The following ROBO2 variants were observed in gnomAD, a reference collection of about 807,000 sequenced individuals.
ROBO2 encodes roundabout homolog 2.
ROBO2 carries 53 observed loss-of-function variants against 160.8 expected under a neutral mutation model. That is an observed-to-expected ratio of 0.33 (90% CI 0.26 to 0.41). The LOEUF (loss-of-function observed/expected upper bound fraction) is 0.41. Among genes scored for constraint, ROBO2 ranks in the 10% least tolerant of loss-of-function variants. The pLI is 1.00. For synonymous variants in ROBO2, 664 were observed against 611.7 expected (o/e 1.09, Z -1.26); for missense variants, 1,577 against 1,722.4 (o/e 0.92, Z 1.49).
chr3:76,529,374 C>T (rs1470663629), intron 2 of ROBO2, among the ~76,000 whole-genome samples: 1 of 152,094 alleles, frequency 6.6e-6, no homozygotes, highest in East Asian at 1.9e-4. Context: ...CCCCTGCCTG[C>T]AGCTGTGGTT....
intron 2 of ROBO2, among the ~76,000 whole-genome samples, chr3:76,845,429 C>T (rs2068688184): frequency 6.6e-6 from 1 of 151,934 alleles, no homozygotes. Context: ...TTTATATAAA[C>T]AATCCCAATT....
intron 24 of ROBO2, among the ~76,000 whole-genome samples, 153 bp downstream of exon 26, chr3:77,643,096 A>G (rs1199647832): frequency 6.6e-6 from 1 of 152,220 alleles, no homozygotes; most frequent in South Asian, 2.1e-4. Context: ...TTACCAGTAC[A>G]TGCCTTAAGG....
chr3:76,584,289 G>T (rs563544117), intron 2 of ROBO2, among the ~76,000 whole-genome samples: 1 of 151,502 alleles, frequency 6.6e-6, no homozygotes, highest in East Asian at 2.0e-4. Context: ...TACCAATCCT[G>T]TTATGAGTTG....
chr3:77,576,904 A>G (rs1476593093), intron 14 of ROBO2, among the ~76,000 whole-genome samples: 1 of 152,124 alleles, frequency 6.6e-6, no homozygotes, highest in Non-Finnish European at 1.5e-5. Flanking sequence ...TTCTGTTTTT[A>G]TTTAGTAAGC....
chr3:77,624,670 T>C (rs2094970071), intron 23 of ROBO2, among the ~76,000 whole-genome samples: 1 of 152,198 alleles, frequency 6.6e-6, no homozygotes, highest in South Asian at 2.1e-4. Flanking sequence ...TAAGTGCCCA[T>C]ACAGTGGATG....
At chr3:75,981,623 T>C (rs2065277498) in intron 2 of ROBO2, among the ~76,000 whole-genome samples, 1 of 151,228 alleles carries the variant, frequency 6.6e-6, no homozygotes, top group South Asian at 2.1e-4. Flanking sequence ...TTATTTTTAT[T>C]ATTTTTAAAT....
intron 2 of ROBO2, among the ~76,000 whole-genome samples, chr3:76,296,733 C>T (rs1381518878): frequency 6.6e-6 from 1 of 152,108 alleles, no homozygotes; most frequent in Non-Finnish European, 1.5e-5. Context: ...GGTCACTCTT[C>T]GGGGAACTGC....
intron 1 of ROBO2, among the ~76,000 whole-genome samples, chr3:77,042,476 AG>A (rs997052086): frequency 6.6e-6 from 1 of 152,214 alleles, no homozygotes; most frequent in African/African-American, 2.4e-5. Context: ...ATTATCACCA[AG>A]GGTTTTTTTA....
At chr3:77,023,319 C>T (rs1340979425) in intron 2 of ROBO2, among the ~76,000 whole-genome samples, 1 of 152,092 alleles carries the variant, frequency 6.6e-6, no homozygotes, top group Admixed American at 6.6e-5. Context: ...ACTGTAAGTT[C>T]AATTAAACGT....
At chr3:76,259,471 G>T (rs1342301365) in intron 2 of ROBO2, among the ~76,000 whole-genome samples, 3 of 152,124 alleles carry the variant, frequency 2.0e-5, no homozygotes, top group African/African-American at 7.2e-5. Flanking sequence ...TTATCTGTTT[G>T]AGAGTCAGTT....
chr3:76,940,979 A>T (rs1240267524), intron 2 of ROBO2, among the ~76,000 whole-genome samples: 1 of 152,184 alleles, frequency 6.6e-6, no homozygotes, highest in Middle Eastern at 3.2e-3. Flanking sequence ...ATTTAAATTG[A>T]AGCCTTGATA....
intron 15 of ROBO2, 119 bp downstream of exon 16, chr3:77,577,733 A>ATT (rs1409502346): frequency 8.0e-7 from 1 of 1,242,726 alleles, no homozygotes; most frequent in African/African-American, 1.5e-5. Flanking sequence ...TAAAGTTTTT[A>ATT]TTTATATTTC....
chr3:76,528,673 T>C (rs932485968), intron 2 of ROBO2, among the ~76,000 whole-genome samples: 3 of 151,862 alleles, frequency 2.0e-5, no homozygotes, highest in African/African-American at 7.3e-5. Context: ...AAGAGACAGG[T>C]TAGGCTGCAT....
chr3:76,980,685 G>A (rs2060051539), intron 2 of ROBO2, among the ~76,000 whole-genome samples: 2 of 151,516 alleles, frequency 1.3e-5, no homozygotes, highest in South Asian at 4.2e-4. Flanking sequence ...TTTGGTAACA[G>A]CTTTTATTGA....
chr3:77,246,658 C>T (rs1481903405), intron 2 of ROBO2, among the ~76,000 whole-genome samples: 1 of 152,076 alleles, frequency 6.6e-6, no homozygotes, highest in Non-Finnish European at 1.5e-5. Context: ...TTTGAAGTGT[C>T]GGCACGTAAC....
At chr3:77,450,848 G>C (rs1207755179) in intron 2 of ROBO2, among the ~76,000 whole-genome samples, 1 of 152,024 alleles carries the variant, frequency 6.6e-6, no homozygotes, top group African/African-American at 2.4e-5. Flanking sequence ...CGGTATTCAA[G>C]CTGGATAATT....
At chr3:76,886,124 T>A (rs2073855551) in intron 2 of ROBO2, among the ~76,000 whole-genome samples, 1 of 152,178 alleles carries the variant, frequency 6.6e-6, no homozygotes, top group African/African-American at 2.4e-5. Context: ...CACCTGCATG[T>A]TTTTGCTCTC....
intron 2 of ROBO2, among the ~76,000 whole-genome samples, chr3:76,837,534 C>T (rs527408077): frequency 2.0e-5 from 3 of 150,516 alleles, no homozygotes; most frequent in African/African-American, 2.4e-5. Flanking sequence ...AAAAAAAACC[C>T]AAACATATAG....
intron 2 of ROBO2, among the ~76,000 whole-genome samples, chr3:76,895,263 T>G (rs571457660): frequency 2.4e-4 from 36 of 152,166 alleles, no homozygotes; most frequent in South Asian, 1.5e-3. Context: ...TCGGGTAAAA[T>G]AAGTATGTGC....
Sources: gnomAD v4.1 joint callset for allele counts (sites outside exome capture counted in the v4.1 genomes callset) on GRCh38, gnomAD v4.1.1 for gene constraint, MANE v1.5 for transcripts, NCBI Gene and HGNC (gene_info 2026-07-23, HGNC 2026-07-21) for gene names.